BICD1: variants seen among roughly 807,000 people sequenced by gnomAD.
BICD1 encodes the protein BICD cargo adaptor 1.
BICD1 carries 35 observed loss-of-function variants against 92.5 expected under a neutral mutation model. The ratio of observed to expected loss-of-function variants is 0.38; its 90% confidence interval spans 0.29 to 0.50. The LOEUF is 0.50. Among genes scored for constraint, BICD1 ranks in the 20% least tolerant of loss-of-function variants. The pLI is 0.93. For missense variants in BICD1, 950 were observed against 1,189.8 expected (o/e 0.80, Z 2.97); for synonymous variants, 429 against 465.1 (o/e 0.92, Z 1.00).
intron 8 of BICD1, among the ~76,000 whole-genome samples, chr12:32,342,204 G>GTATATATATATATATATATATA (rs3075972): frequency 8.4e-6 from 1 of 119,302 alleles, no homozygotes; most frequent in Non-Finnish European, 1.7e-5. Context: ...GTGTGTGTGT[G>GTATATATATATATATATATATA]TATATATATA....
intron 2 of BICD1, among the ~76,000 whole-genome samples, chr12:32,266,857 C>CAAA (rs35590465): frequency 5.1e-4 from 71 of 138,176 alleles, no homozygotes; most frequent in African/African-American, 9.7e-4. Flanking sequence ...GACTCTGTCT[C>CAAA]AAAAAAAAAA....
intron 4 of BICD1, among the ~76,000 whole-genome samples, chr12:32,325,038 C>T (rs1320670820): frequency 6.6e-6 from 1 of 152,054 alleles, no homozygotes; most frequent in Non-Finnish European, 1.5e-5. Context: ...TTTTTAGAGG[C>T]AGGGTTTCAC....
intron 1 of BICD1, among the ~76,000 whole-genome samples, chr12:32,156,080 G>A (rs1426472396): frequency 6.6e-6 from 1 of 152,190 alleles, no homozygotes; most frequent in African/African-American, 2.4e-5. Context: ...TTCTCCTGAG[G>A]TATTCCCCAA....
At chr12:32,141,932 C>T (rs556316051) in intron 1 of BICD1, among the ~76,000 whole-genome samples, 72 of 152,220 alleles carry the variant, frequency 4.7e-4, no homozygotes, top group Non-Finnish European at 7.5e-4. Flanking sequence ...AGGTGACGAA[C>T]AAATGTTCAT....
chr12:32,316,135 C>CA lies in BICD1; in HGVS notation c.1005+10031dup, dbSNP rs79211021. Among the ~76,000 whole-genome samples, 542 of 144,284 alleles carry CA rather than the reference C, an allele frequency of 3.8e-3. 3 individuals are homozygous for CA. The highest frequency in any genetic ancestry group is 0.014 in the African/African-American group (522 of 38,558). The allele number at this position is 144,284 out of a possible 152,430, so 94.7% of individuals were successfully genotyped here. On this transcript the variant is annotated intron_variant, in intron 4 of 9. Coordinates refer to ENST00000652176, the MANE Select transcript of BICD1 (RefSeq NM_001714.4). The stretch of plus-strand genomic sequence containing the variant: ...TGGGCAACAGAGTGAGACCCTGTCT[C>CA]AAAAAAAAAAAAAAAAAAGGCTTTG...
At chr12:32,274,658 CTA>C (rs1947231191) in intron 2 of BICD1, among the ~76,000 whole-genome samples, 1 of 152,096 alleles carries the variant, frequency 6.6e-6, no homozygotes, top group Non-Finnish European at 1.5e-5. Flanking sequence ...GAAAGGGAAA[CTA>C]TGACCTAAAG....
At chr12:32,233,510 C>T (rs1945961174) in intron 2 of BICD1, among the ~76,000 whole-genome samples, 1 of 151,634 alleles carries the variant, frequency 6.6e-6, no homozygotes, top group African/African-American at 2.4e-5. Context: ...TCTTGCCTCC[C>T]TCCCTCCCGT....
intron 2 of BICD1, among the ~76,000 whole-genome samples, chr12:32,223,857 G>T (rs924034985): frequency 2.6e-5 from 4 of 152,170 alleles, no homozygotes; most frequent in African/African-American, 9.7e-5. Flanking sequence ...CAGGGAATAG[G>T]AAGGCCCAAG....
At chr12:32,190,156 T>C (rs1322244988) in intron 1 of BICD1, among the ~76,000 whole-genome samples, 1 of 151,900 alleles carries the variant, frequency 6.6e-6, no homozygotes, top group East Asian at 1.9e-4. Context: ...CAAAAAAAAA[T>C]TTAAAGTCAC....
intron 9 of BICD1, among the ~76,000 whole-genome samples, chr12:32,372,480 T>A (rs2136338739): frequency 6.6e-6 from 1 of 150,560 alleles, no homozygotes; most frequent in African/African-American, 2.4e-5. Context: ...GACTCCATCT[T>A]AAAAAAAAAA....
At chr12:32,201,037 G>T (rs161967) in intron 1 of BICD1, among the ~76,000 whole-genome samples, 136,255 of 152,264 alleles carry the variant, frequency 0.89, 61,866 homozygotes, top group East Asian at 1. Context: ...ATACTGCTTT[G>T]TGTACTAACT....
rs1940198900 is a variant in BICD1, at chr12:32,382,070, ATT to A, written c.*4444_*4445del. 1 of 152,058 alleles carries A rather than the reference ATT, an allele frequency of 6.6e-6. No homozygotes were observed. The allele number at this position is 152,058 out of a possible 1,614,324, so 9.4% of individuals were successfully genotyped here. ...ATCTAGCTCCCGAGTGACATTTTCC[ATT>A]GTCTGTAATAATGCCCTCGGATGAG... On this transcript the variant is annotated 3_prime_UTR_variant, in exon 10 of 10. Transcript: ENST00000652176.
intron 1 of BICD1, among the ~76,000 whole-genome samples, chr12:32,136,315 ATTAC>A (rs1385945933): frequency 1.3e-5 from 2 of 152,204 alleles, no homozygotes; most frequent in African/African-American, 4.8e-5. Context: ...CTGTTAAATA[ATTAC>A]TTAACAACTG....
chr12:32,281,548 A>G (rs1429280770), intron 2 of BICD1, among the ~76,000 whole-genome samples: 1 of 152,220 alleles, frequency 6.6e-6, no homozygotes, highest in Non-Finnish European at 1.5e-5. Flanking sequence ...AGGCATGTGT[A>G]TACCTTACAG....
At chr12:32,152,530 CT>C (rs1943319240) in intron 1 of BICD1, among the ~76,000 whole-genome samples, 1 of 152,110 alleles carries the variant, frequency 6.6e-6, no homozygotes, top group Non-Finnish European at 1.5e-5. Flanking sequence ...CTGGCTGAGG[CT>C]GGTATTTTCA....
At chr12:32,314,238 T>C (rs181960771) in intron 4 of BICD1, among the ~76,000 whole-genome samples, 340 of 152,330 alleles carry the variant, frequency 2.2e-3, no homozygotes, top group Non-Finnish European at 3.1e-3. Context: ...TGAACATTTG[T>C]GTACAAGTTT....
At chr12:32,351,799 A>C (rs1938895356) in intron 8 of BICD1, among the ~76,000 whole-genome samples, 1 of 151,716 alleles carries the variant, frequency 6.6e-6, no homozygotes, top group South Asian at 2.1e-4. Context: ...GCTACTCAGG[A>C]GGCTGAGGCA....
intron 3 of BICD1, among the ~76,000 whole-genome samples, chr12:32,295,903 T>G (rs1947855021): frequency 6.6e-6 from 1 of 152,146 alleles, no homozygotes; most frequent in Non-Finnish European, 1.5e-5. Context: ...TCCGTCCACC[T>G]CAGCCTCCCA....
At chr12:32,154,031 G>C (rs1943365741) in intron 1 of BICD1, among the ~76,000 whole-genome samples, 1 of 151,884 alleles carries the variant, frequency 6.6e-6, no homozygotes, top group South Asian at 2.1e-4. Context: ...TAAAGTTGCA[G>C]ACGGGAAAGG....
Sources: gnomAD v4.1 joint callset for allele counts (sites outside exome capture counted in the v4.1 genomes callset) on GRCh38, gnomAD v4.1.1 for gene constraint, MANE v1.5 for transcripts, NCBI Gene and HGNC (gene_info 2026-07-23, HGNC 2026-07-21) for gene names.